STPG2: variants seen among roughly 807,000 people sequenced by gnomAD.
STPG2 encodes sperm tail PG-rich repeat containing 2, also known as sperm-tail PG-rich repeat-containing protein 2.
In STPG2, 56 loss-of-function variants were observed where a neutral mutation model predicts 54.2. The ratio of observed to expected loss-of-function variants is 1.03; its 90% CI spans 0.83 to 1.29. The LOEUF (loss-of-function observed/expected upper bound fraction) is 1.29. Ranked by LOEUF, STPG2 falls within the 50% of genes most tolerant of loss-of-function variation. STPG2 has a pLI of 0.00. For missense variants in STPG2, 596 were observed against 544.9 expected, an observed-to-expected ratio of 1.09 and a Z score of -0.93; for synonymous variants, 200 against 181.8, an observed-to-expected ratio of 1.10 and a Z score of -0.81.
chr4:97,616,511 T>C (rs1160198423), intron 10 of STPG2, among the ~76,000 whole-genome samples: 2 of 152,148 alleles, frequency 1.3e-5, no homozygotes, highest in Non-Finnish European at 2.9e-5. Flanking sequence ...GAGTTTCATT[T>C]TCATTGTAAC....
At chr4:97,993,686 C>T (rs1273313309) in intron 5 of STPG2, among the ~76,000 whole-genome samples, 2 of 152,016 alleles carry the variant, frequency 1.3e-5, no homozygotes, top group African/African-American at 4.8e-5. Flanking sequence ...GAATGTCTGA[C>T]AGAACTCAGC....
intron 9 of STPG2, among the ~76,000 whole-genome samples, chr4:97,795,920 T>C (rs936026995): frequency 1.3e-5 from 2 of 152,220 alleles, no homozygotes; most frequent in African/African-American, 2.4e-5. Flanking sequence ...TATCTCATTG[T>C]GGTTTTGATT....
At chr4:97,907,700 C>T (rs1174435942) in intron 8 of STPG2, among the ~76,000 whole-genome samples, 3 of 152,136 alleles carry the variant, frequency 2.0e-5, no homozygotes, top group Non-Finnish European at 4.4e-5. Flanking sequence ...ACAGAGCCCT[C>T]AGAAATAACG....
chr4:98,025,408 G>T, intron 5 of STPG2: 1 of 395,636 alleles, frequency 2.5e-6, no homozygotes, highest in Non-Finnish European at 4.9e-6. Flanking sequence ...AAGTTGTTAA[G>T]AATAAGGCCT....
At chr4:97,501,087 G>A (rs1344647513) in intron 4 of STPG2, among the ~76,000 whole-genome samples, 2 of 152,002 alleles carry the variant, frequency 1.3e-5, no homozygotes, top group Non-Finnish European at 2.9e-5. Flanking sequence ...AGATGTCTTT[G>A]GGACCTGATC....
intron 9 of STPG2, among the ~76,000 whole-genome samples, chr4:97,810,318 T>C (rs1003533765): frequency 1.3e-5 from 2 of 151,612 alleles, no homozygotes; most frequent in African/African-American, 4.8e-5. Flanking sequence ...ACAAAAATTA[T>C]CTGAGAGTGG....
intron 9 of STPG2, among the ~76,000 whole-genome samples, chr4:97,822,019 C>A (rs1043127023): frequency 6.6e-6 from 1 of 152,216 alleles, no homozygotes; most frequent in African/African-American, 2.4e-5. Context: ...GAATTCATCT[C>A]CTAATAATGC....
chr4:97,646,015 A>C (rs1418147796), intron 10 of STPG2, among the ~76,000 whole-genome samples: 1 of 152,112 alleles, frequency 6.6e-6, no homozygotes, highest in Admixed American at 6.6e-5. Flanking sequence ...CATCTTTATA[A>C]ATAAATATTG....
intron 8 of STPG2, among the ~76,000 whole-genome samples, chr4:97,913,890 T>A (rs917278041): frequency 6.6e-6 from 1 of 151,894 alleles, no homozygotes; most frequent in Non-Finnish European, 1.5e-5. Flanking sequence ...ACATTTACAA[T>A]AATATAATTT....
At chr4:97,485,712 T>C (rs1730337599) in intron 4 of STPG2, among the ~76,000 whole-genome samples, 1 of 150,490 alleles carries the variant, frequency 6.6e-6, no homozygotes, top group Non-Finnish European at 1.5e-5. Flanking sequence ...AAAATTAAAA[T>C]TCATATGAAG....
chr4:98,066,544 G>C (rs996835082), intron 5 of STPG2, among the ~76,000 whole-genome samples: 1 of 152,048 alleles, frequency 6.6e-6, no homozygotes, highest in African/African-American at 2.4e-5. Context: ...AGCTGAGATC[G>C]TGCCACTGCA....
At chr4:98,084,681 C>G (rs1221529103) in intron 5 of STPG2, among the ~76,000 whole-genome samples, 1 of 152,080 alleles carries the variant, frequency 6.6e-6, no homozygotes, top group East Asian at 1.9e-4. Context: ...ATGTCACTGT[C>G]ATTTTTGTTT....
intron 8 of STPG2, among the ~76,000 whole-genome samples, chr4:97,901,915 T>G (rs1294781499): frequency 1.3e-5 from 2 of 151,898 alleles, no homozygotes. Flanking sequence ...AAATATATTA[T>G]AAAGCTATAA....
intron 4 of STPG2, among the ~76,000 whole-genome samples, chr4:97,458,010 T>C (rs1410993874): frequency 1.3e-5 from 2 of 152,198 alleles, no homozygotes; most frequent in African/African-American, 4.8e-5. Flanking sequence ...AAAAACATTT[T>C]CCAATTAACA....
intron 10 of STPG2, among the ~76,000 whole-genome samples, chr4:97,616,995 C>T (rs1264986725): frequency 6.6e-6 from 1 of 152,050 alleles, no homozygotes; most frequent in Non-Finnish European, 1.5e-5. Flanking sequence ...AAAATGCATG[C>T]CACTGTATAT....
chr4:97,632,312 C>G (rs1721316309), intron 10 of STPG2, among the ~76,000 whole-genome samples: 1 of 148,148 alleles, frequency 6.8e-6, no homozygotes, highest in Admixed American at 6.7e-5. Flanking sequence ...TTCTGAGCTT[C>G]CCACTGGCAT....
chr4:97,942,643 C>T (rs930453316), intron 8 of STPG2, among the ~76,000 whole-genome samples: 1 of 152,058 alleles, frequency 6.6e-6, no homozygotes, highest in Non-Finnish European at 1.5e-5. Flanking sequence ...GCTATTATTT[C>T]CAAGACATTC....
rs566798744 is a variant in STPG2, at chr4:97,884,545, C to T, written c.1045-43613G>A. On this transcript the variant is annotated intron_variant, in intron 8 of 10. Coordinates refer to ENST00000295268, the MANE Select transcript of STPG2 (RefSeq NM_174952.3). ...GAAGAAACCAATCATGACCACACTT[C>T]GCTCTTGCACTTCTAGCCTCCAGAA... 4.6e-5 allele frequency among the ~76,000 whole-genome samples: 7 copies of T among 152,256 alleles called. No homozygotes were observed. In the South Asian group the frequency reaches 1.0e-3, roughly 23 times the overall value.
At chr4:97,715,413 T>A (rs1342519171) in intron 9 of STPG2, among the ~76,000 whole-genome samples, 1 of 152,144 alleles carries the variant, frequency 6.6e-6, no homozygotes, top group African/African-American at 2.4e-5. Context: ...AATTGCATAT[T>A]TTCCAGCCCT....
Sources: allele counts gnomAD v4.1 joint callset (sites outside exome capture counted in the v4.1 genomes callset), GRCh38; gene constraint gnomAD v4.1.1; transcripts MANE v1.5; gene names NCBI Gene and HGNC (gene_info 2026-07-23, HGNC 2026-07-21).